The following CPEB1 variants were observed in gnomAD, a reference collection of about 807,000 sequenced individuals.
CPEB1 encodes the protein cytoplasmic polyadenylation element-binding protein 1.
CPEB1 carries 7 observed loss-of-function variants against 65.8 expected under a neutral mutation model. The observed-to-expected ratio is 0.11, with a 90% CI of 0.06 to 0.20. The LOEUF (loss-of-function observed/expected upper bound fraction) is 0.20. CPEB1 is among the 10% of genes least tolerant of loss of function. The pLI is 1.00. For missense variants in CPEB1, 551 were observed against 712.2 expected, an observed-to-expected ratio of 0.77 and a Z score of 2.58; for synonymous variants, 262 against 260.0, an observed-to-expected ratio of 1.01 and a Z score of -0.08.
chr15:82,551,511 A>G (rs1761424753), intron 9 of CPEB1, among the ~76,000 whole-genome samples: 1 of 152,158 alleles, frequency 6.6e-6, no homozygotes, highest in South Asian at 2.1e-4. Context: ...TATCCACCAT[A>G]TACAGAATAG....
chr15:82,601,791 G>A (rs1424724488), intron 3 of CPEB1, among the ~76,000 whole-genome samples: 2 of 141,792 alleles, frequency 1.4e-5, no homozygotes, highest in Non-Finnish European at 3.2e-5. Flanking sequence ...CATTTCATAA[G>A]TATCGAGAGA....
intron 3 of CPEB1, among the ~76,000 whole-genome samples, chr15:82,624,233 CAG>C (rs771468107): frequency 3.7e-4 from 57 of 152,280 alleles, no homozygotes; most frequent in Non-Finnish European, 5.9e-4. Flanking sequence ...AAGTGGAAAG[CAG>C]AGAGAGTTCA....
chr15:82,580,849 C>CTTTTTTTT (rs113794355), intron 3 of CPEB1, among the ~76,000 whole-genome samples: 2 of 147,230 alleles, frequency 1.4e-5, no homozygotes. Flanking sequence ...TCCCCAATTT[C>CTTTTTTTT]TTTTTTTTTT....
At chr15:82,608,448 G>A (rs1051903096) in intron 3 of CPEB1, among the ~76,000 whole-genome samples, 4 of 152,186 alleles carry the variant, frequency 2.6e-5, no homozygotes, top group Non-Finnish European at 5.9e-5. Context: ...TGTCCTTTCA[G>A]TGGCTTCCAG....
At chr15:82,639,794 A>G (rs1678683953) in intron 1 of CPEB1, among the ~76,000 whole-genome samples, 1 of 152,084 alleles carries the variant, frequency 6.6e-6, no homozygotes, top group Non-Finnish European at 1.5e-5. Context: ...AAATTTTGGT[A>G]CATTTCAGGC....
intron 3 of CPEB1, among the ~76,000 whole-genome samples, chr15:82,599,537 C>T (rs1012367881): frequency 2.0e-5 from 3 of 152,012 alleles, no homozygotes; most frequent in African/African-American, 7.3e-5. Flanking sequence ...AAACAAACAA[C>T]AACAAGCGGA....
intron 1 of CPEB1, among the ~76,000 whole-genome samples, chr15:82,636,242 C>T (rs143917346): frequency 1.3e-5 from 2 of 152,276 alleles, no homozygotes; most frequent in Non-Finnish European, 2.9e-5. Context: ...TCCTCTCAAT[C>T]CACAATGTCC....
intron 3 of CPEB1, among the ~76,000 whole-genome samples, chr15:82,592,708 G>T: frequency 6.6e-6 from 1 of 151,690 alleles, no homozygotes; most frequent in African/African-American, 2.4e-5. Flanking sequence ...CAATTGGGCC[G>T]GGCGCGGTGG....
rs1333080011 is a variant in CPEB1 at position 82,560,918 on chromosome 15, G to A, written c.461-2932C>T. Among the ~76,000 whole-genome samples the A allele has an allele frequency of 2.0e-5, 3 of 152,322 alleles. No homozygotes were observed. In the East Asian group the frequency reaches 5.8e-4, roughly 29 times the overall value. The stretch of plus-strand genomic sequence containing the variant: ...AGAGCTATGATTTTGTTCCCCCAAG[G>A]GGGTATGAAGGAATAAATGTGACAA... On this transcript the variant is annotated intron_variant, in intron 4 of 12. Transcript: ENST00000684509.
intron 11 of CPEB1, 88 bp downstream of exon 11, chr15:82,547,055 A>T: frequency 1.2e-6 from 1 of 840,258 alleles, no homozygotes; most frequent in Non-Finnish European, 2.0e-6. Flanking sequence ...CAGCACAAAC[A>T]GCTTCAGGTC....
intron 1 of CPEB1, among the ~76,000 whole-genome samples, chr15:82,645,624 C>G (rs1596152839): frequency 6.6e-6 from 1 of 152,034 alleles, no homozygotes; most frequent in East Asian, 1.9e-4. Context: ...AATTCCAGCC[C>G]TTTGGGAGGC....
chr15:82,584,316 A>C (rs953746785), intron 3 of CPEB1, among the ~76,000 whole-genome samples: 1 of 151,188 alleles, frequency 6.6e-6, no homozygotes, highest in Admixed American at 6.6e-5. Flanking sequence ...CTGAACGTGA[A>C]GATACAAGTT....
At chr15:82,607,325 C>T (rs890298470) in intron 3 of CPEB1, among the ~76,000 whole-genome samples, 2 of 152,124 alleles carry the variant, frequency 1.3e-5, no homozygotes, top group African/African-American at 2.4e-5. Context: ...CGGTGGCTCA[C>T]GCCTGTAATC....
chr15:82,629,191 G>A, intron 1 of CPEB1: 1 of 852,984 alleles, frequency 1.2e-6, no homozygotes, highest in Non-Finnish European at 1.4e-6. Context: ...CTATCCCTCA[G>A]TTTCCCCATT....
At chr15:82,630,842 C>T (rs1041908619) in intron 1 of CPEB1, among the ~76,000 whole-genome samples, 2 of 152,062 alleles carry the variant, frequency 1.3e-5, no homozygotes, top group African/African-American at 4.8e-5. Context: ...TTGGAAAAGC[C>T]TCATATGCCA....
At chr15:82,571,311 C>G in intron 4 of CPEB1, 33 bp downstream of exon 4, 4 of 1,596,492 alleles carry the variant, frequency 2.5e-6, no homozygotes, top group Non-Finnish European at 3.4e-6. Flanking sequence ...CATGCATCCC[C>G]TTACCCCAGC....
chr15:82,647,776 C>G, upstream of CPEB1: 1 of 1,200,048 alleles, frequency 8.3e-7, no homozygotes, highest in Non-Finnish European at 1.0e-6. Context: ...TACCGCGGCG[C>G]CGGACCCGGC....
intron 2 of CPEB1, 36 bp from the exon 3 acceptor site, chr15:82,627,403 A>C (rs2045864679): frequency 1.3e-6 from 2 of 1,523,350 alleles, no homozygotes; most frequent in African/African-American, 1.4e-5. Flanking sequence ...TAGGTTTTCT[A>C]CACTCCTTTA....
At chr15:82,597,642 C>T (rs2042766208) in intron 3 of CPEB1, among the ~76,000 whole-genome samples, 1 of 152,206 alleles carries the variant, frequency 6.6e-6, no homozygotes, top group Admixed American at 6.5e-5. Context: ...ACAAGGCTCA[C>T]TAGCCACAGA....
Sources: gnomAD v4.1 joint callset for allele counts (sites outside exome capture counted in the v4.1 genomes callset) on GRCh38, gnomAD v4.1.1 for gene constraint, MANE v1.5 for transcripts, NCBI Gene and HGNC (gene_info 2026-07-23, HGNC 2026-07-21) for gene names.